The following NEGR1 variants were observed in gnomAD, a reference collection of about 807,000 sequenced individuals.
NEGR1 encodes neuronal growth regulator 1, also known as IgLON family member 4.
Under a neutral mutation model 40.9 loss-of-function variants are expected in NEGR1, and 10 were observed. That is an observed-to-expected ratio of 0.24 (90% CI 0.15 to 0.42). NEGR1 has a LOEUF of 0.42. Among genes scored for constraint, NEGR1 ranks in the 10% least tolerant of loss-of-function variants. The pLI, the probability that NEGR1 is intolerant of heterozygous loss-of-function variation, is 1.00. For synonymous variants in NEGR1, 185 were observed against 166.8 expected (o/e 1.11, Z -0.84); for missense variants, 352 against 438.9 (o/e 0.80, Z 1.77).
chr1:72,066,687 C>T (rs1013715019), intron 1 of NEGR1, among the ~76,000 whole-genome samples: 2 of 152,036 alleles, frequency 1.3e-5, no homozygotes, highest in African/African-American at 2.4e-5. Flanking sequence ...GGAATACAGC[C>T]GTCTACAAGC....
chr1:71,585,440 A>C (rs1336315213), intron 6 of NEGR1, among the ~76,000 whole-genome samples: 5 of 152,030 alleles, frequency 3.3e-5, no homozygotes, highest in Admixed American at 3.3e-4. Context: ...TTTGTGATTA[A>C]ATTGGAAACT....
At chr1:71,743,741 G>A (rs1357530034) in intron 3 of NEGR1, among the ~76,000 whole-genome samples, 1 of 152,106 alleles carries the variant, frequency 6.6e-6, no homozygotes, top group East Asian at 1.9e-4. Flanking sequence ...GAGCTCTGTT[G>A]CCTTTCTGAG....
At chr1:71,473,582 C>A (rs889739291) in intron 6 of NEGR1, among the ~76,000 whole-genome samples, 2 of 152,036 alleles carry the variant, frequency 1.3e-5, no homozygotes, top group Admixed American at 1.3e-4. Context: ...CTTCAACAGA[C>A]CTCTATGCAG....
chr1:71,713,552 T>G (rs1378884424), intron 3 of NEGR1, among the ~76,000 whole-genome samples: 1 of 152,226 alleles, frequency 6.6e-6, no homozygotes, highest in African/African-American at 2.4e-5. Flanking sequence ...GAAAATAGTT[T>G]TGTTACACAT....
intron 1 of NEGR1, among the ~76,000 whole-genome samples, chr1:72,231,700 A>C (rs1256184914): frequency 1.3e-5 from 2 of 152,170 alleles, no homozygotes; most frequent in Non-Finnish European, 2.9e-5. Flanking sequence ...GGTTCTCTAT[A>C]CTGCAAATAA....
intron 2 of NEGR1, among the ~76,000 whole-genome samples, chr1:71,923,822 C>T (rs1420621145): frequency 6.6e-6 from 1 of 152,180 alleles, no homozygotes; most frequent in South Asian, 2.1e-4. Flanking sequence ...TCCCTCTGAC[C>T]ATTCTTTTGC....
intron 1 of NEGR1, among the ~76,000 whole-genome samples, chr1:72,012,112 A>T (rs1646662371): frequency 6.6e-6 from 1 of 152,008 alleles, no homozygotes; most frequent in Non-Finnish European, 1.5e-5. Flanking sequence ...AATTATTGAT[A>T]TATTATATTA....
chr1:71,905,122 G>A (rs76395013), intron 2 of NEGR1, among the ~76,000 whole-genome samples: 3,052 of 152,080 alleles, frequency 0.02, 62 homozygotes, highest in South Asian at 0.1. Flanking sequence ...TCAATCCACT[G>A]TTTTGGTTGA....
At chr1:71,653,682 A>G (rs962370132) in intron 4 of NEGR1, among the ~76,000 whole-genome samples, 5 of 152,174 alleles carry the variant, frequency 3.3e-5, no homozygotes, top group African/African-American at 1.2e-4. Context: ...CATGCATGTT[A>G]CTATTACTTC....
At chr1:71,696,050 A>G (rs1295300285) in intron 4 of NEGR1, among the ~76,000 whole-genome samples, 1 of 151,752 alleles carries the variant, frequency 6.6e-6, no homozygotes. Flanking sequence ...TTCTATTGCT[A>G]TGAGTAATAC....
At chr1:72,040,249 G>A (rs1365003811) in intron 1 of NEGR1, among the ~76,000 whole-genome samples, 1 of 151,846 alleles carries the variant, frequency 6.6e-6, no homozygotes, top group Non-Finnish European at 1.5e-5. Context: ...AAAGGTGCTA[G>A]AGAACAATAC....
intron 6 of NEGR1, among the ~76,000 whole-genome samples, chr1:71,501,343 A>C (rs1646997828): frequency 6.6e-6 from 1 of 152,108 alleles, no homozygotes; most frequent in African/African-American, 2.4e-5. Flanking sequence ...AATGAAATGA[A>C]CTTTAATCGT....
At chr1:72,045,630 AC>A (rs1415791571) in intron 1 of NEGR1, among the ~76,000 whole-genome samples, 4 of 151,258 alleles carry the variant, frequency 2.6e-5, no homozygotes, top group Admixed American at 6.6e-5. Context: ...TGATTGTGAG[AC>A]CTCCTCAGCC....
intron 1 of NEGR1, among the ~76,000 whole-genome samples, chr1:72,190,550 T>G (rs1379608082): frequency 1.3e-5 from 2 of 151,658 alleles, no homozygotes; most frequent in Non-Finnish European, 3.0e-5. Context: ...CAATCCATAA[T>G]GCACACAGAT....
chr1:71,476,729 A>C (rs1040583431), intron 6 of NEGR1: 2 of 152,096 alleles, frequency 1.3e-5, no homozygotes, highest in African/African-American at 2.4e-5. Context: ...GAATGTTGTT[A>C]CATATTAATA....
At chr1:71,759,887 G>T (rs573713195) in intron 3 of NEGR1, among the ~76,000 whole-genome samples, 1 of 151,938 alleles carries the variant, frequency 6.6e-6, no homozygotes, top group Admixed American at 6.6e-5. Flanking sequence ...GGGATTACAG[G>T]CATGAACCAC....
At chr1:71,613,613 C>A (rs773408198) in intron 4 of NEGR1, among the ~76,000 whole-genome samples, 2 of 151,344 alleles carry the variant, frequency 1.3e-5, no homozygotes, top group Non-Finnish European at 2.9e-5. Flanking sequence ...ATTGAGACTG[C>A]CATTGCACTT....
intron 1 of NEGR1, among the ~76,000 whole-genome samples, chr1:72,239,421 T>A (rs1213052504): frequency 6.6e-6 from 1 of 151,856 alleles, no homozygotes; most frequent in Admixed American, 6.6e-5. Flanking sequence ...ACTTGTTTTG[T>A]TTGAATACAT....
chr1:72,020,210 A>T (rs1224258494), intron 1 of NEGR1, among the ~76,000 whole-genome samples: 5 of 152,230 alleles, frequency 3.3e-5, no homozygotes, highest in African/African-American at 1.2e-4. Context: ...GGGTAACAAA[A>T]TCCTCAGAGG....
Sources: gnomAD v4.1 joint callset for allele counts (sites outside exome capture counted in the v4.1 genomes callset) on GRCh38, gnomAD v4.1.1 for gene constraint, MANE v1.5 for transcripts, NCBI Gene and HGNC (gene_info 2026-07-23, HGNC 2026-07-21) for gene names.